Variants in FEM1C observed in about 807,000 individuals in gnomAD.
The protein encoded by FEM1C is fem-1 homolog C, also known as protein fem-1 homolog C.
Under a neutral mutation model 37.6 loss-of-function variants are expected in FEM1C, and 15 were observed. The observed-to-expected ratio is 0.40, with a 90% CI of 0.27 to 0.61. The LOEUF is 0.61. Among genes scored for constraint, FEM1C ranks in the 20% least tolerant of loss-of-function variants. FEM1C has a pLI of 0.42. For synonymous variants in FEM1C, 287 were observed against 272.8 expected (o/e 1.05, Z -0.51); for missense variants, 532 against 749.7 (o/e 0.71, Z 3.39).
intron 2 of FEM1C, among the ~76,000 whole-genome samples, chr5:115,530,212 C>T (rs945486609): frequency 6.6e-6 from 1 of 151,674 alleles, no homozygotes; most frequent in African/African-American, 2.4e-5. Flanking sequence ...GAAAAAAATG[C>T]CCTTTGCAAA....
chr5:115,528,378 A>G (rs1233598796), intron 2 of FEM1C, among the ~76,000 whole-genome samples: 1 of 152,180 alleles, frequency 6.6e-6, no homozygotes, highest in African/African-American at 2.4e-5. Flanking sequence ...AACACTGAGC[A>G]GAACTAGTGA....
chr5:115,535,114 A>G (rs1364509778), intron 2 of FEM1C, among the ~76,000 whole-genome samples: 1 of 151,952 alleles, frequency 6.6e-6, no homozygotes, highest in Non-Finnish European at 1.5e-5. Context: ...AGTTTCATCC[A>G]TGGAAAAGTT....
At chr5:115,542,762 T>C (rs2127176117) in intron 2 of FEM1C, among the ~76,000 whole-genome samples, 188 bp downstream of exon 2, 1 of 152,314 alleles carries the variant, frequency 6.6e-6, no homozygotes, top group African/African-American at 2.4e-5. Flanking sequence ...AACAGAAGTC[T>C]TTTATCACAC....
At chr5:115,527,718 G>C (rs1050871296) in intron 2 of FEM1C, among the ~76,000 whole-genome samples, 3 of 151,970 alleles carry the variant, frequency 2.0e-5, no homozygotes, top group Admixed American at 6.6e-5. Flanking sequence ...TGTAGCAAAA[G>C]CTGGCCAGGC....
intron 2 of FEM1C, among the ~76,000 whole-genome samples, chr5:115,532,206 T>C (rs1473756855): frequency 6.6e-6 from 1 of 152,092 alleles, no homozygotes; most frequent in East Asian, 1.9e-4. Flanking sequence ...CTTACACTAG[T>C]ATAATGCTAC....
At position 115,522,957 on chromosome 5, in the gene FEM1C, G is replaced by A. The variant is rs1392910728; in HGVS notation, c.*1351C>T. 2.6e-5 allele frequency: 4 copies of A among 152,238 alleles called. No individual in the cohort carries two copies. Among genetic ancestry groups the A allele is most frequent in the Non-Finnish European group, 5.9e-5 (4 of 67,874 alleles). The allele number at this position is 152,238 out of a possible 1,614,324, so 9.4% of individuals were successfully genotyped here. A position where few individuals can be genotyped will look rare whatever the true frequency, so the allele number is the denominator to read the frequency against. On this transcript the variant is annotated 3_prime_UTR_variant, in exon 3 of 3. Coordinates refer to ENST00000274457, the MANE Select transcript of FEM1C (RefSeq NM_020177.3). ...AGTGAGTGAGTGAGAGAGAGAGAGA[G>A]AGAGAAAGAGAAAGAGAAAGAAAGA... is the stretch of plus-strand genomic sequence containing the variant.
intron 2 of FEM1C, among the ~76,000 whole-genome samples, chr5:115,529,736 G>C (rs1753977274): frequency 6.6e-6 from 1 of 152,018 alleles, no homozygotes; most frequent in Admixed American, 6.6e-5. Context: ...GGTAATTGGT[G>C]TTAACGTGTT....
chr5:115,544,176 C>T (rs1754305459), intron 1 of FEM1C: 2 of 985,328 alleles, frequency 2.0e-6, no homozygotes, highest in Non-Finnish European at 2.4e-6. Context: ...CCGAAAGATT[C>T]TCTTTCCTTT....
intron 2 of FEM1C, among the ~76,000 whole-genome samples, chr5:115,535,504 A>G (rs2127172854): frequency 6.6e-6 from 1 of 152,058 alleles, no homozygotes; most frequent in African/African-American, 2.4e-5. Context: ...AAAATGCTCA[A>G]CGTCATTAGC....
chr5:115,536,069 G>T (rs1343693689), intron 2 of FEM1C, among the ~76,000 whole-genome samples: 1 of 151,898 alleles, frequency 6.6e-6, no homozygotes, highest in Non-Finnish European at 1.5e-5. Context: ...AGTTTCAGGG[G>T]AATGAGGAGG....
At chr5:115,535,284 TAAA>T (rs5870660) in intron 2 of FEM1C, among the ~76,000 whole-genome samples, 5 of 140,032 alleles carry the variant, frequency 3.6e-5, no homozygotes, top group South Asian at 2.2e-4. Context: ...TCAAAAAAGT[TAAA>T]AAAAAAAAAA....
chr5:115,538,883 TA>T (rs1281631801), intron 2 of FEM1C, among the ~76,000 whole-genome samples: 1 of 152,018 alleles, frequency 6.6e-6, no homozygotes, highest in Non-Finnish European at 1.5e-5. Context: ...TCTGCAGATC[TA>T]AACCCCAACC....
chr5:115,538,121 T>A (rs1353773014), intron 2 of FEM1C, among the ~76,000 whole-genome samples: 1 of 152,062 alleles, frequency 6.6e-6, no homozygotes, highest in Non-Finnish European at 1.5e-5. Context: ...TTTTTTAAAC[T>A]TTAGCAAATG....
chr5:115,544,025 C>A (rs1754301059), intron 1 of FEM1C: 1 of 985,268 alleles, frequency 1.0e-6, no homozygotes, highest in South Asian at 4.7e-5. Flanking sequence ...AGGCAGGAGA[C>A]TCGGGTTCAG....
chr5:115,524,428 G>C lies in FEM1C; in HGVS notation c.1734C>G (p.Ile578Met). 1 of 1,613,434 alleles carries C rather than the reference G, an allele frequency of 6.2e-7. No homozygotes were observed. The highest frequency in any genetic ancestry group is 8.5e-7 in the Non-Finnish European group (1 of 1,179,690). The change falls in exon 3 of 3, where the codon ATC (isoleucine) becomes ATG (methionine). Residue 578 changes from isoleucine (I) to methionine (M), a missense_variant. By Grantham distance (10) the Ile-to-Met change is conservative (BLOSUM62 1). Around this residue, in one of 3 missense-constraint regions of FEM1C, gnomAD observed 237 missense variants for 260.5 expected, o/e 0.91. Coordinates refer to ENST00000274457, the MANE Select transcript of FEM1C (RefSeq NM_020177.3). Reference sequence around the variant, plus strand: ...GCAATGTGGTATGATTTATAGGCTGGATTAAATTTTTAGCTATTTCCTTCT... The same window carrying C: ...GCAATGTGGTATGATTTATAGGCTGCATTAAATTTTTAGCTATTTCCTTCT... ...LDEKEIAKNL[I>M]QPINHTTLQC...
At chr5:115,535,875 T>C (rs1754115065) in intron 2 of FEM1C, among the ~76,000 whole-genome samples, 1 of 151,936 alleles carries the variant, frequency 6.6e-6, no homozygotes, top group African/African-American at 2.4e-5. Context: ...CAATGGAATA[T>C]TATTCTGCAA....
Position 115,543,556 on chromosome 5 carries a change from A to G in FEM1C, c.-63T>C, listed in dbSNP as rs1278729913. 1 of 1,526,650 alleles carries G rather than the reference A, an allele frequency of 6.6e-7. No homozygotes were observed. The highest frequency in any genetic ancestry group is 8.7e-7 in the Non-Finnish European group (1 of 1,148,440). 94.6% of individuals were successfully genotyped at this position (1,526,650 alleles called of 1,614,324 possible). On this transcript the variant is annotated 5_prime_UTR_variant, in exon 2 of 3. Transcript: ENST00000274457. ...CAAAGCAGAGCTCCAGTTTAACTCT[A>G]TCGACACAGGCAAGAGTCACAGGAA...
intron 2 of FEM1C, among the ~76,000 whole-genome samples, chr5:115,528,847 G>A (rs969381428): frequency 6.6e-6 from 1 of 152,060 alleles, no homozygotes; most frequent in African/African-American, 2.4e-5. Flanking sequence ...TATTCGAGGA[G>A]TTTTTTAAAA....
chr5:115,526,911 G>A (rs372702), intron 2 of FEM1C, among the ~76,000 whole-genome samples: 89,553 of 151,754 alleles, frequency 0.59, 27,002 homozygotes, highest in African/African-American at 0.7. Context: ...TGGGAGTCTA[G>A]AATTTTGGGT....
Sources: allele counts gnomAD v4.1 joint callset (sites outside exome capture counted in the v4.1 genomes callset), GRCh38; gene constraint gnomAD v4.1.1; regional missense constraint gnomAD v4.1.1; transcripts MANE v1.5; gene names NCBI Gene and HGNC (gene_info 2026-07-23, HGNC 2026-07-21).